Variants in ATP2C1 observed in about 807,000 individuals in gnomAD.
ATP2C1 encodes ATPase secretory pathway Ca2+ transporting 1, also known as calcium-transporting ATPase type 2C member 1.
In ATP2C1, 31 loss-of-function variants were observed where a neutral mutation model predicts 120.5. That is an observed-to-expected ratio of 0.26 (90% CI 0.19 to 0.35). The LOEUF is 0.35. ATP2C1 is among the 10% of genes least tolerant of loss of function. ATP2C1 has a pLI of 1.00. For missense variants in ATP2C1, 731 were observed against 1,107.5 expected (o/e 0.66, Z 4.83); for synonymous variants, 351 against 358.7 (o/e 0.98, Z 0.24).
chr3:130,918,834 AC>A, intron 2 of ATP2C1: 1 of 331,016 alleles, frequency 3.0e-6, no homozygotes, highest in South Asian at 2.6e-5. Flanking sequence ...TACTAAAAAT[AC>A]AAAAAAATTA....
chr3:130,905,455 A>G (rs187624979), intron 2 of ATP2C1, among the ~76,000 whole-genome samples: 41 of 152,166 alleles, frequency 2.7e-4, no homozygotes, highest in Admixed American at 2.7e-3. Context: ...GTTTCATCCG[A>G]GTACACACAA....
At chr3:131,015,748 G>C (rs1488637312) in intron 26 of ATP2C1, among the ~76,000 whole-genome samples, 1 of 152,174 alleles carries the variant, frequency 6.6e-6, no homozygotes, top group Non-Finnish European at 1.5e-5. Context: ...AACAGGACTA[G>C]AGTGAATGAG....
chr3:131,004,101 T>A (rs1217089304), downstream of ATP2C1, among the ~76,000 whole-genome samples: 2 of 152,236 alleles, frequency 1.3e-5, no homozygotes, highest in Non-Finnish European at 2.9e-5. Flanking sequence ...ATATAACTGC[T>A]AATAAGCTGT....
Position 130,925,097 on chromosome 3 carries a change from C to T in ATP2C1, c.7-5319C>T, listed in dbSNP as rs139585996. On this transcript the variant is annotated intron_variant, in intron 2 of 27. Coordinates refer to ENST00000510168, the MANE Select transcript of ATP2C1 (RefSeq NM_001378687.1). ...GCAATTCAGAGAGTTCGTCTTTGTT[C>T]GGATCCATTGCTGATGAGCTGGTAC... Among the ~76,000 whole-genome samples the T allele has an allele frequency of 9.1e-3, 1,384 of 151,970 alleles. 10 individuals carry two copies. Among genetic ancestry groups the T allele is most frequent in the Non-Finnish European group, 0.012 (809 of 67,976 alleles).
At chr3:131,016,027 G>GT (rs749416372) in intron 26 of ATP2C1, 1,129 of 1,221,494 alleles carry the variant, frequency 9.2e-4, no homozygotes, top group Admixed American at 1.2e-3. Flanking sequence ...ATTAAGATTA[G>GT]TTTTTTTTTG....
At chr3:130,998,197 T>A in intron 25 of ATP2C1, 97 bp from the exon 26 acceptor site, 2 of 863,726 alleles carry the variant, frequency 2.3e-6, no homozygotes, top group South Asian at 2.8e-5. Flanking sequence ...AGTTATTTCT[T>A]CCTAATGGAA....
intron 1 of ATP2C1, among the ~76,000 whole-genome samples, chr3:130,860,655 C>T (rs1396128699): frequency 6.6e-6 from 1 of 152,168 alleles, no homozygotes. Context: ...GAGATTTTAG[C>T]TCCAGGTTTG....
At chr3:130,883,236 T>C (rs564650727) in intron 1 of ATP2C1, among the ~76,000 whole-genome samples, 19 of 152,320 alleles carry the variant, frequency 1.2e-4, no homozygotes, top group Non-Finnish European at 2.2e-4. Context: ...CTTTTCCTTT[T>C]TTTTCTTTGT....
intron 7 of ATP2C1, among the ~76,000 whole-genome samples, chr3:130,940,905 A>ATTTTTTTTTTTTTT (rs749879416): frequency 1.2e-5 from 1 of 86,072 alleles, no homozygotes; most frequent in African/African-American, 4.7e-5. Flanking sequence ...TATTTAACAG[A>ATTTTTTTTTTTTTT]TTTTTTTTTT....
At chr3:130,909,971 G>T (rs2108096741) in intron 2 of ATP2C1, among the ~76,000 whole-genome samples, 1 of 152,252 alleles carries the variant, frequency 6.6e-6, no homozygotes, top group Non-Finnish European at 1.5e-5. Flanking sequence ...CTCTTAAAGT[G>T]CTGCGATTAC....
intron 10 of ATP2C1, chr3:130,955,776 A>G: frequency 4.0e-6 from 1 of 250,158 alleles, no homozygotes; most frequent in South Asian, 5.0e-5. Context: ...AAAGCAAGTG[A>G]GAGAGCAGCT....
At chr3:130,859,701 T>G (rs1001785258) in intron 1 of ATP2C1, among the ~76,000 whole-genome samples, 1 of 152,142 alleles carries the variant, frequency 6.6e-6, no homozygotes, top group Non-Finnish European at 1.5e-5. Context: ...AAGAGACACC[T>G]GGACCCTGGG....
At chr3:130,952,086 G>A (rs982150704) in intron 8 of ATP2C1, among the ~76,000 whole-genome samples, 8 of 152,136 alleles carry the variant, frequency 5.3e-5, no homozygotes, top group African/African-American at 1.9e-4. Flanking sequence ...TCTCAGGTCT[G>A]TCAGGGCTCT....
intron 2 of ATP2C1, among the ~76,000 whole-genome samples, chr3:130,899,175 A>C (rs1284976837): frequency 1.3e-5 from 2 of 152,162 alleles, no homozygotes; most frequent in African/African-American, 4.8e-5. Flanking sequence ...ACTTATATGC[A>C]TTTGTTAATA....
chr3:130,907,595 C>G (rs1263895718), intron 2 of ATP2C1, among the ~76,000 whole-genome samples: 1 of 152,018 alleles, frequency 6.6e-6, no homozygotes, highest in African/African-American at 2.4e-5. Context: ...GGGTTTATTT[C>G]TAGACTCTGA....
At chr3:130,988,286 G>T (rs1416686322) in intron 20 of ATP2C1, among the ~76,000 whole-genome samples, 2 of 151,168 alleles carry the variant, frequency 1.3e-5, no homozygotes, top group Non-Finnish European at 2.9e-5. Context: ...CCTTTCCCTA[G>T]TACATCTTGT....
intron 2 of ATP2C1, chr3:130,919,067 G>T: frequency 4.1e-6 from 2 of 488,562 alleles, no homozygotes; most frequent in Middle Eastern, 5.4e-4. Context: ...TCTGCGTGGT[G>T]CACGGCCCTC....
chr3:130,859,578 G>A (rs1282969749), intron 1 of ATP2C1, among the ~76,000 whole-genome samples: 1 of 152,090 alleles, frequency 6.6e-6, no homozygotes, highest in Non-Finnish European at 1.5e-5. Flanking sequence ...TTTACCTTCA[G>A]ATTTTCTTCA....
Position 130,964,072 on chromosome 3 carries a change from A to G in ATP2C1, c.1001A>G (p.Lys334Arg). The G allele has an allele frequency of 6.2e-7, 1 of 1,612,568 alleles. No homozygotes were observed. The highest frequency in any genetic ancestry group is 8.5e-7 in the Non-Finnish European group (1 of 1,178,830). The change falls in exon 13 of 28, where the codon AAG (lysine) becomes AGG (arginine). Residue 334 changes from lysine to arginine, a missense_variant. By Grantham distance (26) the Lys-to-Arg change is conservative. Around this residue, in one of 3 missense-constraint regions of ATP2C1, gnomAD observed 571 missense variants for 845.9 expected, o/e 0.67. Coordinates refer to ENST00000510168, the MANE Select transcript of ATP2C1 (RefSeq NM_001378687.1). ...RMVKKRAIVK[K>R]LPIVETLGCC... Reference sequence around the variant, plus strand: ...GTGAAGAAAAGGGCCATTGTGAAAAAGCTGCCTATTGTTGAAACTCTGGGT... The same window carrying G: ...GTGAAGAAAAGGGCCATTGTGAAAAGGCTGCCTATTGTTGAAACTCTGGGT...
Sources: gnomAD v4.1 joint callset for allele counts (sites outside exome capture counted in the v4.1 genomes callset) on GRCh38, gnomAD v4.1.1 for gene constraint, gnomAD v4.1.1 regional missense constraint, MANE v1.5 for transcripts, NCBI Gene and HGNC (gene_info 2026-07-23, HGNC 2026-07-21) for gene names.